Variants in MRPL48 observed in about 807,000 individuals in gnomAD.
MRPL48 encodes mitochondrial ribosomal protein L48.
In MRPL48, 16 loss-of-function variants were observed where a neutral mutation model predicts 32.9. The ratio of observed to expected loss-of-function variants is 0.49; its 90% CI spans 0.33 to 0.74. MRPL48 has a LOEUF of 0.74. Ranked by LOEUF, MRPL48 falls within the 30% of genes least tolerant of loss-of-function variation. The probability of loss-of-function intolerance (pLI) is 0.02; values close to 1 mark genes in which losing one functional copy is unlikely to be tolerated. For missense variants in MRPL48, 206 were observed against 245.3 expected, an observed-to-expected ratio of 0.84 and a Z score of 1.07; for synonymous variants, 94 against 89.2, an observed-to-expected ratio of 1.05 and a Z score of -0.31.
At chr11:73,812,608 C>T (rs1947585081) in intron 3 of MRPL48, among the ~76,000 whole-genome samples, 1 of 151,550 alleles carries the variant, frequency 6.6e-6, no homozygotes, top group South Asian at 2.1e-4. Context: ...AGCTGAAGTC[C>T]CAGAATGGTC....
In MRPL48 at chr11:73,806,489, A is replaced by G. The variant is rs73539659; in HGVS notation, c.74+1410A>G. ...ATGTAAAATATACACCCCTCCATCA[A>G]TCTCTGTTCCTTTATACTTTGCTTT... On this transcript the variant is annotated intron_variant, in intron 2 of 7. Transcript: ENST00000310614. Among the ~76,000 whole-genome samples, 577 of 152,034 alleles carry G rather than the reference A, an allele frequency of 3.8e-3. 4 individuals carry two copies. The highest frequency in any genetic ancestry group is 0.013 in the African/African-American group (548 of 41,456).
intron 1 of MRPL48, among the ~76,000 whole-genome samples, chr11:73,803,005 A>G (rs957717452): frequency 6.6e-6 from 1 of 152,034 alleles, no homozygotes; most frequent in Non-Finnish European, 1.5e-5. Flanking sequence ...CTTATAATAG[A>G]CTTTTTAAAA....
intron 3 of MRPL48, among the ~76,000 whole-genome samples, chr11:73,825,284 ATGTGTGTG>A (rs66515925): frequency 7.4e-4 from 104 of 139,908 alleles, no homozygotes; most frequent in African/African-American, 2.0e-3. Context: ...TTTTTTATAT[ATGTGTGTG>A]TGTGTGTGTG....
intron 3 of MRPL48, among the ~76,000 whole-genome samples, chr11:73,819,664 T>C (rs953505117): frequency 6.6e-6 from 1 of 152,186 alleles, no homozygotes; most frequent in African/African-American, 2.4e-5. Flanking sequence ...TTAAAACAAT[T>C]GTCCAGCCTG....
chr11:73,816,414 C>G (rs902394843), intron 3 of MRPL48, among the ~76,000 whole-genome samples: 7 of 135,208 alleles, frequency 5.2e-5, no homozygotes, highest in Non-Finnish European at 1.2e-4. Context: ...GTATTTGATG[C>G]CAGTATGAAA....
At chr11:73,843,108 C>A (rs1319158237) in intron 4 of MRPL48, 2 of 152,120 alleles carry the variant, frequency 1.3e-5, no homozygotes, top group African/African-American at 4.8e-5. Flanking sequence ...CCACTGTACC[C>A]AGCTATAAGT....
chr11:73,813,790 C>T (rs1269373334), intron 3 of MRPL48, among the ~76,000 whole-genome samples: 1 of 151,890 alleles, frequency 6.6e-6, no homozygotes, highest in Non-Finnish European at 1.5e-5. Flanking sequence ...GCCTGTAATC[C>T]CAGCACTTTG....
intron 3 of MRPL48, among the ~76,000 whole-genome samples, chr11:73,817,599 C>T (rs1328474036): frequency 6.6e-6 from 1 of 152,090 alleles, no homozygotes; most frequent in African/African-American, 2.4e-5. Context: ...GTTGGTTGAA[C>T]ATATTTTTGT....
Position 73,805,086 on chromosome 11 carries a change from A to C in MRPL48, c.74+7A>C, listed in dbSNP as rs1414157208. The C allele has an allele frequency of 1.3e-6, 2 of 1,559,570 alleles. No individual in the cohort carries two copies. Among genetic ancestry groups the C allele is most frequent in the East Asian group, 2.4e-5 (1 of 41,992 alleles). On this transcript the variant is annotated splice_region_variant and intron_variant, in intron 2 of 7. Coordinates refer to ENST00000310614, the MANE Select transcript of MRPL48 (RefSeq NM_016055.6). ...AAGCCTTTTCTCTCTTAAGGTAAGA[A>C]TATTAAAAACAATAATTAAATATAG... is the stretch of plus-strand genomic sequence containing the variant.
intron 5 of MRPL48, among the ~76,000 whole-genome samples, chr11:73,847,985 T>C: frequency 6.6e-6 from 1 of 152,244 alleles, no homozygotes. Flanking sequence ...AAGTTAAGCT[T>C]AATGAAGTTC....
At chr11:73,804,373 T>A (rs948234275) in intron 1 of MRPL48, among the ~76,000 whole-genome samples, 8 of 151,932 alleles carry the variant, frequency 5.3e-5, no homozygotes, top group African/African-American at 1.9e-4. Context: ...GCCTCCTGGG[T>A]TCAAGTGATT....
intron 4 of MRPL48, among the ~76,000 whole-genome samples, chr11:73,841,704 CACTTTGT>C (rs1948189293): frequency 6.6e-6 from 1 of 152,056 alleles, no homozygotes; most frequent in African/African-American, 2.4e-5. Flanking sequence ...GAGGTACTTT[CACTTTGT>C]GAAAATTCAT....
intron 3 of MRPL48, among the ~76,000 whole-genome samples, chr11:73,815,704 A>C (rs1232868839): frequency 6.6e-6 from 1 of 151,812 alleles, no homozygotes; most frequent in Non-Finnish European, 1.5e-5. Flanking sequence ...AAATTTTTAA[A>C]AATAGAGACT....
At chr11:73,803,356 C>T (rs1947391415) in intron 1 of MRPL48, among the ~76,000 whole-genome samples, 1 of 152,080 alleles carries the variant, frequency 6.6e-6, no homozygotes, top group African/African-American at 2.4e-5. Flanking sequence ...GTCTTGAACT[C>T]CTGGCCTCAA....
In MRPL48 at chr11:73,808,696, C is replaced by T. The variant is rs181499546; in HGVS notation, c.112+346C>T. On this transcript the variant is annotated intron_variant, in intron 3 of 7. Coordinates refer to ENST00000310614, the MANE Select transcript of MRPL48 (RefSeq NM_016055.6). Reference sequence around the variant, plus strand: ...CAGCACTTTGGGAGGCCGAGGCGGGCGGATCACCTGAGGTCAGGAGTTCGA... The same window carrying T: ...CAGCACTTTGGGAGGCCGAGGCGGGTGGATCACCTGAGGTCAGGAGTTCGA... Among the ~76,000 whole-genome samples, 92 of 152,056 alleles carry T rather than the reference C, an allele frequency of 6.1e-4. 1 individual carries two copies. The highest frequency in any genetic ancestry group is 3.4e-3 in the Middle Eastern group (1 of 294).
At chr11:73,839,775 C>G (rs903490336) in intron 4 of MRPL48, among the ~76,000 whole-genome samples, 2 of 152,064 alleles carry the variant, frequency 1.3e-5, no homozygotes, top group African/African-American at 4.8e-5. Flanking sequence ...AAAATGAATA[C>G]ATTGGACTAC....
chr11:73,804,908 A>G, intron 1 of MRPL48, 119 bp from the exon 2 acceptor site: 1 of 821,644 alleles, frequency 1.2e-6, no homozygotes, highest in Non-Finnish European at 1.9e-6. Flanking sequence ...TCTTTGTTAG[A>G]TAAGAGCCTT....
At chr11:73,831,105 G>C (rs1488683930) in intron 4 of MRPL48, among the ~76,000 whole-genome samples, 2 of 152,088 alleles carry the variant, frequency 1.3e-5, no homozygotes, top group Admixed American at 6.6e-5. Flanking sequence ...CTCCCTAAGA[G>C]CTGGGATTAT....
rs535607090 is a variant in MRPL48, at chr11:73,822,104, G to C, written c.113-3604G>C. ...AGTCTAGAGCCCGAAGTTGCAAAAGGTCAAAGGTCTTAGATTCAGAGAGAT... is the reference window on the plus strand; with the variant it reads ...AGTCTAGAGCCCGAAGTTGCAAAAGCTCAAAGGTCTTAGATTCAGAGAGAT... On this transcript the variant is annotated intron_variant, in intron 3 of 7. Coordinates refer to ENST00000310614, the MANE Select transcript of MRPL48 (RefSeq NM_016055.6). Among the ~76,000 whole-genome samples, 33 of 152,214 alleles carry C rather than the reference G, an allele frequency of 2.2e-4. No homozygotes were observed. In the South Asian group the frequency reaches 6.6e-3, roughly 31 times the overall value.
Sources: gnomAD v4.1 joint callset for allele counts (sites outside exome capture counted in the v4.1 genomes callset) on GRCh38, gnomAD v4.1.1 for gene constraint, MANE v1.5 for transcripts, NCBI Gene and HGNC (gene_info 2026-07-23, HGNC 2026-07-21) for gene names.